Variants in SH3RF2 observed in about 807,000 individuals in gnomAD.
SH3RF2 encodes E3 ubiquitin-protein ligase SH3RF2.
SH3RF2 carries 43 observed loss-of-function variants against 59.0 expected under a neutral mutation model. The observed-to-expected ratio is 0.73, with a 90% confidence interval of 0.57 to 0.94. The LOEUF is 0.94. SH3RF2 is among the 40% of genes least tolerant of loss of function. The probability of loss-of-function intolerance (pLI) is 0.00; values close to 1 mark genes in which losing one functional copy is unlikely to be tolerated. For missense variants in SH3RF2, 930 were observed against 940.1 expected, an observed-to-expected ratio of 0.99 and a Z score of 0.14; for synonymous variants, 391 against 391.5, an observed-to-expected ratio of 1.00 and a Z score of 0.01.
At chr5:145,984,077 T>G (rs1210123772) in intron 2 of SH3RF2, among the ~76,000 whole-genome samples, 1 of 152,100 alleles carries the variant, frequency 6.6e-6, no homozygotes, top group Non-Finnish European at 1.5e-5. Flanking sequence ...CTTCCATTTG[T>G]TTGTTTAACA....
At position 146,049,226 on chromosome 5, in the gene SH3RF2, T is replaced by G. The variant is rs1255371005; in HGVS notation, c.1303T>G (p.Tyr435Asp). Reference protein sequence around the residue: ...TGRVGIFPNNYVIPIFRKTSS... With the variant: ...TGRVGIFPNNDVIPIFRKTSS... ...GCGAGTCGGCATCTTCCCAAACAAT[T>G]ACGTCATCCCCATTTTCAGGTGTGT... The change falls in exon 7 of 10, where the codon TAC (tyrosine) becomes GAC (aspartate). Residue 435 changes from tyrosine to aspartate, a missense_variant. By Grantham distance (160) the Tyr-to-Asp change is radical. Transcript: ENST00000359120. 1 of 1,611,840 alleles carries G rather than the reference T, an allele frequency of 6.2e-7. No homozygotes were observed. Among genetic ancestry groups the G allele is most frequent in the Non-Finnish European group, 8.5e-7 (1 of 1,178,578 alleles).
At chr5:146,073,762 T>C (rs1763283998) in intron 9 of SH3RF2, among the ~76,000 whole-genome samples, 1 of 152,194 alleles carries the variant, frequency 6.6e-6, no homozygotes, top group African/African-American at 2.4e-5. Flanking sequence ...ATAAGGTTCC[T>C]ACCTGCAGGA....
At chr5:146,062,055 T>C (rs1281122382) in intron 9 of SH3RF2, among the ~76,000 whole-genome samples, 1 of 152,126 alleles carries the variant, frequency 6.6e-6, no homozygotes, top group Non-Finnish European at 1.5e-5. Flanking sequence ...TTGGCCTTAA[T>C]AGTACGTAGA....
At chr5:145,991,171 C>T (rs1342395006) in intron 2 of SH3RF2, among the ~76,000 whole-genome samples, 1 of 152,148 alleles carries the variant, frequency 6.6e-6, no homozygotes, top group Non-Finnish European at 1.5e-5. Flanking sequence ...GGTAAAAACA[C>T]CCAGGCTTTC....
intron 2 of SH3RF2, among the ~76,000 whole-genome samples, chr5:145,940,975 G>C (rs1757792577): frequency 6.6e-6 from 1 of 152,162 alleles, no homozygotes; most frequent in Admixed American, 6.5e-5. Context: ...GCCCTTGCAG[G>C]AGAGTGTAAT....
At chr5:146,001,652 C>G (rs1411800297) in intron 3 of SH3RF2, among the ~76,000 whole-genome samples, 1 of 152,136 alleles carries the variant, frequency 6.6e-6, no homozygotes, top group Non-Finnish European at 1.5e-5. Flanking sequence ...CCTCTCTCAC[C>G]CTTTCTGGGA....
At chr5:146,064,755 G>A (rs1324764341), downstream of SH3RF2, among the ~76,000 whole-genome samples, 70 of 6,228 alleles carry the variant, frequency 0.011, 4 homozygotes, top group South Asian at 0.14. Context: ...AGGAAGGAAG[G>A]AAGGAAGGAA....
chr5:146,050,044 T>C (rs999900652), intron 7 of SH3RF2: 3 of 152,142 alleles, frequency 2.0e-5, no homozygotes, highest in South Asian at 4.2e-4. Context: ...TTGTATTCTG[T>C]GCGGGTCAGA....
At chr5:145,986,257 A>G (rs1759700879) in intron 2 of SH3RF2, among the ~76,000 whole-genome samples, 1 of 151,994 alleles carries the variant, frequency 6.6e-6, no homozygotes, top group Non-Finnish European at 1.5e-5. Context: ...CAGCTCCAAA[A>G]ACCTCTCCGA....
At chr5:146,051,165 G>A (rs1487622707) in intron 7 of SH3RF2, among the ~76,000 whole-genome samples, 1 of 152,170 alleles carries the variant, frequency 6.6e-6, no homozygotes, top group African/African-American at 2.4e-5. Flanking sequence ...AACTGGGAGG[G>A]CAGAGGTTAC....
At chr5:146,049,397 C>T (rs1762415770) in intron 7 of SH3RF2, 152 bp downstream of exon 7, 1 of 822,388 alleles carries the variant, frequency 1.2e-6, no homozygotes, top group African/African-American at 1.7e-5. Flanking sequence ...TCTTTTAAAA[C>T]AAAATAGCAA....
chr5:146,001,002 G>C (rs1760386026), intron 3 of SH3RF2, among the ~76,000 whole-genome samples: 1 of 152,042 alleles, frequency 6.6e-6, no homozygotes, highest in South Asian at 2.1e-4. Context: ...ATTCTATCTT[G>C]TTGTAAACAT....
intron 5 of SH3RF2, among the ~76,000 whole-genome samples, chr5:146,045,636 A>G (rs973463584): frequency 6.6e-6 from 1 of 152,172 alleles, no homozygotes; most frequent in Non-Finnish European, 1.5e-5. Flanking sequence ...AGGTTCATCC[A>G]TGTTCTCTTA....
intron 2 of SH3RF2, among the ~76,000 whole-genome samples, chr5:145,945,646 T>C (rs904550329): frequency 1.3e-5 from 2 of 152,110 alleles, no homozygotes; most frequent in African/African-American, 4.8e-5. Flanking sequence ...CAGGGATATC[T>C]TGAATGAGAA....
downstream of SH3RF2, among the ~76,000 whole-genome samples, chr5:146,064,790 AGGAAGGAAGGAAGGAAGG>A (rs1763045579): frequency 1.2e-4 from 4 of 33,206 alleles, no homozygotes; most frequent in African/African-American, 4.4e-4. Flanking sequence ...GAAGGAAGGA[AGGAAGGAAGGAAGGAAGG>A]AAAGAAAGAA....
chr5:145,969,774 T>C (rs904887133), intron 2 of SH3RF2, among the ~76,000 whole-genome samples: 25 of 151,874 alleles, frequency 1.6e-4, no homozygotes, highest in African/African-American at 5.8e-4. Flanking sequence ...AATAAATCAT[T>C]ATTTTTGAAA....
At position 146,055,998 on chromosome 5, in the gene SH3RF2, C is replaced by T. The variant is rs778838985; in HGVS notation, c.1340C>T (p.Pro447Leu). The change falls in exon 8 of 10, where the codon CCA (proline) becomes CTA (leucine). Residue 447 changes from proline (P) to leucine (L), a missense_variant. Pro to Leu is a moderately conservative substitution (Grantham distance 98, BLOSUM62 -3). Transcript: ENST00000359120. ...IPIFRKTSSF[P>L]DSRSPGLYTT... is the part of the protein sequence containing the mutation. ...AAAACCAGAAAGACCTCTAGTTTTC[C>T]AGACTCCCGGAGCCCTGGTCTCTAC... 6.2e-6 allele frequency: 10 copies of T among 1,611,896 alleles called. No homozygotes were observed. The South Asian group carries it at 8.8e-5, about 14-fold the overall frequency.
At chr5:145,965,048 C>T (rs925859048) in intron 2 of SH3RF2, among the ~76,000 whole-genome samples, 1 of 151,982 alleles carries the variant, frequency 6.6e-6, no homozygotes, top group Non-Finnish European at 1.5e-5. Flanking sequence ...AAAAAATTAG[C>T]CAGGCATGGC....
intron 4 of SH3RF2, among the ~76,000 whole-genome samples, chr5:146,006,960 ACTAAATGCCT>A (rs1760671072): frequency 2.0e-5 from 3 of 152,160 alleles, no homozygotes; most frequent in Non-Finnish European, 4.4e-5. Context: ...TGTATCACCA[ACTAAATGCCT>A]CGTTTCAGAA....
Sources: gnomAD v4.1 joint callset for allele counts (sites outside exome capture counted in the v4.1 genomes callset) on GRCh38, gnomAD v4.1.1 for gene constraint, MANE v1.5 for transcripts, NCBI Gene and HGNC (gene_info 2026-07-23, HGNC 2026-07-21) for gene names.